The following KCNH3 variants were observed in gnomAD, a reference collection of about 807,000 sequenced individuals.
KCNH3 encodes voltage-gated inwardly rectifying potassium channel KCNH3.
In KCNH3, 36 loss-of-function variants were observed where a neutral mutation model predicts 95.6. The observed-to-expected ratio is 0.38, with a 90% CI of 0.29 to 0.50. The LOEUF is 0.50. KCNH3 is among the 20% of genes least tolerant of loss of function. The pLI is 0.95. For missense variants in KCNH3, 1,030 were observed against 1,484.1 expected (o/e 0.69, Z 5.03); for synonymous variants, 620 against 646.3 (o/e 0.96, Z 0.62).
rs753685019 is a variant in KCNH3 at position 49,549,571 on chromosome 12, C to G, written c.1599C>G (p.Pro533=). Residue 533 remains proline (P), a synonymous_variant, in exon 9 of 15, where the codon CCC becomes CCG. Coordinates refer to ENST00000257981, the MANE Select transcript of KCNH3 (RefSeq NM_012284.3). ...TCCGCATCCACCGTATCCCCAAGCC[C>G]CTCAAGCAGCGCATGCTGGAGTACT... The part of the protein sequence containing the change: ...DYIRIHRIPK[P]LKQRMLEYFQ... 6 of 1,613,246 alleles carry G rather than the reference C, an allele frequency of 3.7e-6. No homozygotes were observed. The highest frequency in any genetic ancestry group is 1.7e-5 in the Admixed American group (1 of 60,014).
intron 10 of KCNH3, 57 bp from the exon 11 acceptor site, chr12:49,554,280 T>C: frequency 2.1e-6 from 3 of 1,419,444 alleles, no homozygotes; most frequent in South Asian, 2.3e-5. Flanking sequence ...CAGCCCCCTC[T>C]TCTCTCCTCA....
chr12:49,543,167 G>C, intron 4 of KCNH3, 108 bp from the exon 5 acceptor site: 2 of 1,231,078 alleles, frequency 1.6e-6, no homozygotes, highest in Non-Finnish European at 2.3e-6. Context: ...ATGCTGCTTC[G>C]ATAATGCAGG....
intron 5 of KCNH3, 178 bp downstream of exon 5, chr12:49,543,696 C>T: frequency 1.9e-6 from 2 of 1,063,424 alleles, no homozygotes; most frequent in Non-Finnish European, 2.6e-6. Flanking sequence ...AGTTATATGA[C>T]CTTGAGCTGG....
At chr12:49,543,815 G>A in intron 5 of KCNH3, 100 bp from the exon 6 acceptor site, 1 of 1,455,942 alleles carries the variant, frequency 6.9e-7, no homozygotes, top group Non-Finnish European at 9.4e-7. Context: ...TATGGGAAGG[G>A]CCGGGGACAG....
chr12:49,542,302 C>G (rs1225071557), intron 3 of KCNH3, among the ~76,000 whole-genome samples: 2 of 152,212 alleles, frequency 1.3e-5, no homozygotes, highest in African/African-American at 4.8e-5. Context: ...ATGATGTCAG[C>G]CTTCATTGTC....
At chr12:49,548,827 A>AC in intron 7 of KCNH3, 68 bp from the exon 8 acceptor site, 1 of 1,459,210 alleles carries the variant, frequency 6.9e-7, no homozygotes. Context: ...GCGTGTCCCC[A>AC]CCCCCAGGGC....
At position 49,554,343 on chromosome 12, in the gene KCNH3, G is replaced by A. The variant is rs1374080307; in HGVS notation, c.1925G>A (p.Gly642Asp). Residue 642 changes from glycine (G) to aspartate (D), a missense_variant, in exon 11 of 15, where the codon GGC becomes GAC. Gly to Asp is a moderately conservative substitution (Grantham distance 94, BLOSUM62 -1). Coordinates refer to ENST00000257981, the MANE Select transcript of KCNH3 (RefSeq NM_012284.3). ...GGTVLAILGKGDLIGCELPRR... is the reference protein window; with the variant it reads ...GGTVLAILGKDDLIGCELPRR... ...CTCTACTTCCTCTCCCCAGGGAAGG[G>A]CGACCTGATCGGCTGTGAGCTGCCC... 6.2e-7 allele frequency: 1 copy of A among 1,613,344 alleles called. No individual in the cohort carries two copies. Among genetic ancestry groups the A allele is most frequent in the Admixed American group, 1.7e-5 (1 of 60,038 alleles).
intron 7 of KCNH3, among the ~76,000 whole-genome samples, chr12:49,548,377 C>T (rs547657501): frequency 2.6e-5 from 4 of 151,402 alleles, no homozygotes; most frequent in Non-Finnish European, 4.4e-5. Flanking sequence ...TCCATGCAGG[C>T]GTGCTTGGCA....
chr12:49,544,949 C>G (rs1333745053), intron 7 of KCNH3, among the ~76,000 whole-genome samples: 2 of 152,158 alleles, frequency 1.3e-5, no homozygotes, highest in Admixed American at 1.3e-4. Context: ...TCTCTGCTCA[C>G]CACCCACTCA....
intron 11 of KCNH3, among the ~76,000 whole-genome samples, chr12:49,555,357 G>A (rs1938400039): frequency 1.3e-5 from 2 of 149,892 alleles, no homozygotes; most frequent in Non-Finnish European, 3.0e-5. Flanking sequence ...TGAGGCAGGA[G>A]AATGGCATGA....
chr12:49,548,899 G>C lies in KCNH3; in HGVS notation c.1194G>C (p.Trp398Cys). Residue 398 changes from tryptophan (W) to cysteine (C), a missense_variant, in exon 8 of 15, where the codon TGG becomes TGC. Trp to Cys is a radical substitution (Grantham distance 215, BLOSUM62 -2). Around this residue, in one of 9 missense-constraint regions of KCNH3, gnomAD observed 153 missense variants for 288.5 expected, o/e 0.53. Coordinates refer to ENST00000257981, the MANE Select transcript of KCNH3 (RefSeq NM_012284.3). The part of the protein sequence containing the change: ...SSESELPEIG[W>C]LQELARRLET... The stretch of plus-strand genomic sequence containing the variant: ...GCCCTGCTGTTCCCCCCTCAGGCTG[G>C]CTGCAGGAGCTGGCCCGCCGACTGG... 1 of 1,570,220 alleles carries C rather than the reference G, an allele frequency of 6.4e-7. No homozygotes were observed.
At chr12:49,544,529 G>A in intron 7 of KCNH3, 147 bp downstream of exon 7, 4 of 781,688 alleles carry the variant, frequency 5.1e-6, no homozygotes, top group South Asian at 5.1e-5. Context: ...GTGTGAGTGT[G>A]ACAGCCACCA....
Position 49,558,114 on chromosome 12 carries a change from CAG to C in KCNH3, c.*166_*167del. The C allele has an allele frequency of 1.3e-6, 1 of 751,392 alleles. No individual in the cohort carries two copies. Among genetic ancestry groups the C allele is most frequent in the Non-Finnish European group, 1.9e-6 (1 of 524,978 alleles). 46.5% of individuals were successfully genotyped at this position (751,392 alleles called of 1,614,324 possible). On this transcript the variant is annotated 3_prime_UTR_variant, in exon 15 of 15. Coordinates refer to ENST00000257981, the MANE Select transcript of KCNH3 (RefSeq NM_012284.3). The stretch of plus-strand genomic sequence containing the variant: ...AAAGGAGGACCTGGCTCCTGACTCT[CAG>C]AGAGGATAGGCTGGATCCCTGGGGC...
At chr12:49,548,221 G>A (rs1404838198) in intron 7 of KCNH3, among the ~76,000 whole-genome samples, 1 of 152,184 alleles carries the variant, frequency 6.6e-6, no homozygotes, top group African/African-American at 2.4e-5. Flanking sequence ...CAGTGTGTAG[G>A]TACCAGTGTA....
Position 49,550,199 on chromosome 12 carries a change from G to T in KCNH3, c.1788G>T (p.Leu596=). 7.5e-6 allele frequency: 12 copies of T among 1,609,346 alleles called. No homozygotes were observed. Among genetic ancestry groups the T allele is most frequent in the Non-Finnish European group, 9.3e-6 (11 of 1,179,886 alleles). Residue 596 remains leucine (L), a synonymous_variant, in exon 10 of 15, where the codon CTG becomes CTT. Transcript: ENST00000257981. ...GCGGCTGCCTGCGGGCACTGTCTCT[G>T]GCCCTGCGGCCCGCCTTCTGCACGC... is the stretch of plus-strand genomic sequence containing the variant. ...ASRGCLRALS[L]ALRPAFCTPG...
At position 49,556,481 on chromosome 12, in the gene KCNH3, C is replaced by T. The variant is rs2138170572; in HGVS notation, c.2575+5C>T. ...GCAGCCCCTCCCCTGGACCAGGTAC[C>T]AGGGCCCCGGGATGGTCTAGGTTGG... On this transcript the variant is annotated splice_donor_5th_base_variant and intron_variant, in intron 13 of 14. Transcript: ENST00000257981. The T allele has an allele frequency of 6.2e-7, 1 of 1,607,796 alleles. No individual in the cohort carries two copies. The highest frequency in any genetic ancestry group is 8.5e-7 in the Non-Finnish European group (1 of 1,174,412).
Position 49,539,367 on chromosome 12 carries a change from G to C in KCNH3, c.-50G>C. 3 of 1,277,238 alleles carry C rather than the reference G, an allele frequency of 2.3e-6. No individual in the cohort carries two copies. Among genetic ancestry groups the C allele is most frequent in the Non-Finnish European group, 3.0e-6 (3 of 989,452 alleles). The allele number at this position is 1,277,238 out of a possible 1,614,324, so 79.1% of individuals were successfully genotyped here. On this transcript the variant is annotated 5_prime_UTR_variant, in exon 1 of 15. Transcript: ENST00000257981. The surrounding 1 kb of genome is among the most constrained non-coding windows in gnomAD (Gnocchi z 6.7). Reference sequence around the variant, plus strand: ...CGAGCTGGGCGCCCTCCCCCGGCGCGGAGTCCCCGCACCCCGGAGGGATGG... The same window carrying C: ...CGAGCTGGGCGCCCTCCCCCGGCGCCGAGTCCCCGCACCCCGGAGGGATGG...
chr12:49,549,062 A>G lies in KCNH3; in HGVS notation c.1357A>G (p.Ile453Val), dbSNP rs1938165907. The change falls in exon 8 of 15, where the codon ATC (isoleucine) becomes GTC (valine). Residue 453 changes from isoleucine (I) to valine (V), a missense_variant. Physicochemically the swap from Ile to Val is conservative, Grantham distance 29. Transcript: ENST00000257981. ...LGGPSLRSAY[I>V]TSLYFALSSL... ...CGGCCCGTCGCTGCGCAGCGCCTACATCACCTCCCTCTACTTCGCACTCAG... is the reference window on the plus strand; with the variant it reads ...CGGCCCGTCGCTGCGCAGCGCCTACGTCACCTCCCTCTACTTCGCACTCAG... 5 of 1,612,448 alleles carry G rather than the reference A, an allele frequency of 3.1e-6. No individual in the cohort carries two copies. Among genetic ancestry groups the G allele is most frequent in the South Asian group, 1.1e-5 (1 of 91,074 alleles).
chr12:49,548,668 G>A (rs988174709), intron 7 of KCNH3, among the ~76,000 whole-genome samples: 1 of 152,176 alleles, frequency 6.6e-6, no homozygotes, highest in African/African-American at 2.4e-5. Context: ...GGGAAGGGGT[G>A]TGATTTCCCT....
Sources: allele counts gnomAD v4.1 joint callset (sites outside exome capture counted in the v4.1 genomes callset), GRCh38; gene constraint gnomAD v4.1.1; regional missense constraint gnomAD v4.1.1; non-coding constraint Gnocchi (gnomAD v3.1); transcripts MANE v1.5; gene names NCBI Gene and HGNC (gene_info 2026-07-23, HGNC 2026-07-21).